Variants in GSN observed in about 807,000 individuals in gnomAD.
The protein encoded by GSN is gelsolin, also known as actin-depolymerizing factor.
Under a neutral mutation model 85.7 loss-of-function variants are expected in GSN, and 56 were observed. The observed-to-expected ratio is 0.65, with a 90% CI of 0.53 to 0.82. The LOEUF (loss-of-function observed/expected upper bound fraction) is 0.82. GSN is among the 40% of genes least tolerant of loss of function. The pLI, the probability that GSN is intolerant of heterozygous loss-of-function variation, is 0.00. For missense variants in GSN, 857 were observed against 979.8 expected, an observed-to-expected ratio of 0.87 and a Z score of 1.67; for synonymous variants, 373 against 399.1, an observed-to-expected ratio of 0.93 and a Z score of 0.78.
rs1009339604 is a variant in GSN, at chr9:121,329,455, G to C, written c.1965+140G>C. ...AGAAAAGTCTCTAAGGGTACTGGAA[G>C]TCACTTCTTCTTTCTGAGCTTCCAT... is the stretch of plus-strand genomic sequence containing the variant. On this transcript the variant is annotated intron_variant, in intron 16 of 17. Coordinates refer to ENST00000432226, the MANE Select transcript of GSN (RefSeq NM_198252.3). The surrounding 1 kb of genome is among the most constrained non-coding windows in gnomAD (Gnocchi z 4.6). The C allele has an allele frequency of 4.3e-6, 3 of 696,572 alleles. No individual in the cohort carries two copies. Among genetic ancestry groups the C allele is most frequent in the Non-Finnish European group, 7.9e-6 (3 of 379,346 alleles). The allele number at this position is 696,572 out of a possible 1,614,324, so 43.1% of individuals were successfully genotyped here. A position where few individuals can be genotyped will look rare whatever the true frequency, so the allele number is the denominator to read the frequency against.
chr9:121,247,049 T>C (rs974176258), intron 5 of GSN, among the ~76,000 whole-genome samples: 1 of 152,142 alleles, frequency 6.6e-6, no homozygotes, highest in African/African-American at 2.4e-5. Flanking sequence ...TCAGGCCAGA[T>C]CATGAGATCA....
intron 4 of GSN, chr9:121,223,063 T>C (rs1357569953): frequency 6.6e-6 from 1 of 152,156 alleles, no homozygotes; most frequent in Non-Finnish European, 1.5e-5. Flanking sequence ...GGCATTTTTT[T>C]CCCTTACCAG....
At chr9:121,203,499 T>C (rs563900925), upstream of GSN, 38 of 152,420 alleles carry the variant, frequency 2.5e-4, no homozygotes, top group African/African-American at 8.9e-4. Context: ...GCCCTGTGCA[T>C]ACTGTACTGT....
intron 10 of GSN, among the ~76,000 whole-genome samples, chr9:121,320,531 G>C (rs767142801): frequency 6.6e-6 from 1 of 152,070 alleles, no homozygotes; most frequent in Non-Finnish European, 1.5e-5. Context: ...TGTAATCCCA[G>C]CTACTCGGGA....
At chr9:121,276,215 GCACACATCTGTGTGTT>G (rs1564393083) in intron 1 of GSN, among the ~76,000 whole-genome samples, 1 of 152,218 alleles carries the variant, frequency 6.6e-6, no homozygotes, top group Admixed American at 6.5e-5. Flanking sequence ...TCAACCATTT[GCACACATCTGTGTGTT>G]CATGTGTTAG....
In GSN at chr9:121,302,090, C is replaced by T. The variant is rs749868096; in HGVS notation, c.119C>T (p.Thr40Met). The T allele has an allele frequency of 1.5e-5, 24 of 1,614,190 alleles. No homozygotes were observed. The highest frequency in any genetic ancestry group is 2.2e-5 in the East Asian group (1 of 44,888). ...VPTNLYGDFF[T>M]GDAYVILKTV... ...ACCAACCTTTATGGAGACTTCTTCA[C>T]GGGCGACGCCTACGTCATCCTGAAG... The change falls in exon 3 of 18, where the codon ACG becomes ATG. Residue 40 changes from threonine (T) to methionine (M), a missense_variant. Physicochemically the swap from Thr to Met is moderately conservative, Grantham distance 81 (BLOSUM62 -1). Transcript: ENST00000432226.
rs572197062 is a variant in GSN at position 121,314,550 on chromosome 9, A to G, written c.753+527A>G. Among the ~76,000 whole-genome samples the G allele has an allele frequency of 2.0e-5, 3 of 152,334 alleles. No individual in the cohort carries two copies. In the South Asian group the frequency reaches 6.2e-4, roughly 32 times the overall value. On this transcript the variant is annotated intron_variant, in intron 7 of 17. Coordinates refer to ENST00000432226, the MANE Select transcript of GSN (RefSeq NM_198252.3). ...TCAATCACACTTACGTTGTGCCCCA[A>G]GTATTTTCAGTAAAACAACAAAAAG...
chr9:121,302,838 C>T (rs1237892194), intron 3 of GSN, 73 bp from the exon 4 acceptor site: 4 of 1,507,902 alleles, frequency 2.7e-6, no homozygotes, highest in Non-Finnish European at 3.7e-6. Context: ...GGGGTTCCTC[C>T]TCCACCTCCT....
chr9:121,209,036 G>A (rs1051717216), intron 1 of GSN, among the ~76,000 whole-genome samples: 1 of 152,248 alleles, frequency 6.6e-6, no homozygotes, highest in African/African-American at 2.4e-5. Flanking sequence ...TTCTGAACAA[G>A]TTGAGATATC....
chr9:121,263,701 A>G (rs550983377), upstream of GSN, among the ~76,000 whole-genome samples: 77 of 152,042 alleles, frequency 5.1e-4, no homozygotes, highest in Non-Finnish European at 1.0e-3. Context: ...GACCAGCCTG[A>G]CCAATATGGA....
intron 2 of GSN, chr9:121,300,200 T>G: frequency 9.7e-7 from 1 of 1,031,382 alleles, no homozygotes; most frequent in Non-Finnish European, 1.5e-6. Flanking sequence ...TGGCTGTTCC[T>G]TCCCAGGAAG....
At chr9:121,282,076 G>T (rs1213661192) in intron 2 of GSN, 2 of 469,504 alleles carry the variant, frequency 4.3e-6, no homozygotes, top group Admixed American at 4.8e-5. Flanking sequence ...CTGGCAGGGT[G>T]GGGCCCACCT....
Position 121,329,045 on chromosome 9 carries a change from T to G in GSN, c.1887+30T>G. ...GCCCCTGCGGAGGTCACACCTCTGCTTTCCCCTCGGGAGGCGAGTTCCACA... is the reference window on the plus strand; with the variant it reads ...GCCCCTGCGGAGGTCACACCTCTGCGTTCCCCTCGGGAGGCGAGTTCCACA... On this transcript the variant is annotated intron_variant, in intron 15 of 17. Coordinates refer to ENST00000432226, the MANE Select transcript of GSN (RefSeq NM_198252.3). The surrounding 1 kb of genome is among the most constrained non-coding windows in gnomAD (Gnocchi z 4.6). The G allele has an allele frequency of 6.2e-7, 1 of 1,611,676 alleles. No individual in the cohort carries two copies. The highest frequency in any genetic ancestry group is 2.2e-5 in the East Asian group (1 of 44,864).
rs140911276 is a variant in GSN, at chr9:121,252,375, G to T, written c.-341+4052G>T. 1.5e-3 allele frequency among the ~76,000 whole-genome samples: 221 copies of T among 152,306 alleles called. 1 individual carries two copies. The highest frequency in any genetic ancestry group is 5.1e-3 in the African/African-American group (210 of 41,568). The stretch of plus-strand genomic sequence containing the variant: ...TGGCCAGTGGTGGATTATGAGTTTG[G>T]GAAGGTGGACAGTGGCAGGAAATGA... On this transcript the variant is annotated intron_variant, in intron 6 of 24. Transcript: ENST00000373823.
chr9:121,321,320 G>T lies in GSN; in HGVS notation c.1244G>T (p.Gly415Val). Residue 415 changes from glycine to valine, a missense_variant, in exon 11 of 18, where the codon GGA (glycine) becomes GTA (valine). Gly to Val is a moderately radical substitution (Grantham distance 109). Transcript: ENST00000432226. Reference protein sequence around the residue: ...NKVPVDPATYGQFYGGDSYII... With the variant: ...NKVPVDPATYVQFYGGDSYII... ...GTGCCCGTGGACCCTGCCACATATG[G>T]ACAGTTCTATGGAGGCGACAGCTAC... 1 of 1,613,880 alleles carries T rather than the reference G, an allele frequency of 6.2e-7. No individual in the cohort carries two copies. The highest frequency in any genetic ancestry group is 1.1e-5 in the South Asian group (1 of 91,076).
chr9:121,328,782 A>C, intron 14 of GSN, 109 bp from the exon 15 acceptor site: 2 of 1,125,196 alleles, frequency 1.8e-6, no homozygotes, highest in African/African-American at 1.5e-5. Context: ...TGGAGGGAGG[A>C]GAGGGAGAGC....
Position 121,299,503 on chromosome 9 carries a change from AT to A in GSN, c.-9-2453del, listed in dbSNP as rs1317895472. 2.0e-6 allele frequency: 2 copies of A among 982,842 alleles called. No homozygotes were observed. The highest frequency in any genetic ancestry group is 2.4e-6 in the Non-Finnish European group (2 of 827,736). The allele number at this position is 982,842 out of a possible 1,614,324, so 60.9% of individuals were successfully genotyped here. On this transcript the variant is annotated intron_variant, in intron 2 of 17. Transcript: ENST00000432226. The surrounding 1 kb of genome is among the most constrained non-coding windows in gnomAD (Gnocchi z 4.2). Reference sequence around the variant, plus strand: ...CTTTCAAAAATTGTTAGTTCATGTTATTTTTTTGCTGGAGGTGTTAGGTGCG... The same window carrying A: ...CTTTCAAAAATTGTTAGTTCATGTTATTTTTTGCTGGAGGTGTTAGGTGCG...
intron 4 of GSN, among the ~76,000 whole-genome samples, chr9:121,211,892 A>G (rs535280623): frequency 3.9e-4 from 59 of 152,296 alleles, no homozygotes; most frequent in African/African-American, 1.3e-3. Flanking sequence ...CAAAAACTTT[A>G]AAAACAGCTG....
At chr9:121,247,433 TC>T (rs892233838) in intron 5 of GSN, among the ~76,000 whole-genome samples, 17 of 152,208 alleles carry the variant, frequency 1.1e-4, no homozygotes, top group African/African-American at 4.1e-4. Context: ...GCCTCTGACT[TC>T]CACCTTCCAT....
Sources: gnomAD v4.1 joint callset for allele counts (sites outside exome capture counted in the v4.1 genomes callset) on GRCh38, gnomAD v4.1.1 for gene constraint, Gnocchi (gnomAD v3.1) non-coding constraint, MANE v1.5 for transcripts, NCBI Gene and HGNC (gene_info 2026-07-23, HGNC 2026-07-21) for gene names.